POLK: variants seen among roughly 807,000 people sequenced by gnomAD.
POLK encodes polymerase (DNA directed) kappa.
Under a neutral mutation model 94.0 loss-of-function variants are expected in POLK, and 76 were observed. The ratio of observed to expected loss-of-function variants is 0.81; its 90% confidence interval spans 0.67 to 0.98. The LOEUF is 0.98. Ranked by LOEUF, POLK falls within the 50% of genes least tolerant of loss-of-function variation. The probability of loss-of-function intolerance (pLI) is 0.00; values close to 1 mark genes in which losing one functional copy is unlikely to be tolerated. For synonymous variants in POLK, 349 were observed against 325.4 expected (o/e 1.07, Z -0.78); for missense variants, 954 against 1,010.1 (o/e 0.94, Z 0.75).
intron 10 of POLK, among the ~76,000 whole-genome samples, chr5:75,589,481 C>G (rs939238469): frequency 6.6e-6 from 1 of 151,164 alleles, no homozygotes; most frequent in Admixed American, 6.6e-5. Context: ...GAGGGAGTCT[C>G]GCTCTGTCGC....
At chr5:75,609,968 ATAAAT>A in the POLK span, 7 of 152,254 alleles carry the variant, frequency 4.6e-5, no homozygotes, top group Non-Finnish European at 1.0e-4. Flanking sequence ...AGAAGAATAA[ATAAAT>A]GAAAACCTGA....
exon 13 of POLK, chr5:75,596,617 C>T (rs1459093312): frequency 1.9e-6 from 3 of 1,614,024 alleles, no homozygotes; most frequent in Non-Finnish European, 2.5e-6. Context: ...CTTGAATAAA[C>T]ATGTAGATGA....
rs981600979 is a variant in POLK at position 75,542,579 on chromosome 5, G to GTA, written c.-13-4423_-13-4422dup. ...ACAAAAGTTTGCCTTATATGTGTGGGTATATATATGTGTGTGTGTGTATAT... is the reference window on the plus strand; with the variant it reads ...ACAAAAGTTTGCCTTATATGTGTGGGTATATATATATGTGTGTGTGTGTATAT... On this transcript the variant is annotated intron_variant, in intron 1 of 14. Transcript: ENST00000241436. Among the ~76,000 whole-genome samples, 8 of 150,000 alleles carry GTA rather than the reference G, an allele frequency of 5.3e-5. No individual in the cohort carries two copies. In the East Asian group the frequency reaches 5.9e-4, roughly 11 times the overall value.
chr5:75,545,311 ATTT>A (rs1381500549), intron 1 of POLK, among the ~76,000 whole-genome samples: 5 of 152,246 alleles, frequency 3.3e-5, no homozygotes, highest in Non-Finnish European at 5.9e-5. Flanking sequence ...ATCGTAATTT[ATTT>A]TAGATTCATG....
intron 12 of POLK, among the ~76,000 whole-genome samples, chr5:75,595,947 C>G (rs1773059115): frequency 6.6e-6 from 1 of 152,124 alleles, no homozygotes; most frequent in African/African-American, 2.4e-5. Context: ...ATAGTTGACT[C>G]CAGTTAGTTA....
exon 13 of POLK, chr5:75,596,778 A>T (rs1561415788): frequency 1.2e-6 from 2 of 1,612,344 alleles, no homozygotes; most frequent in Admixed American, 1.7e-5. Context: ...TTAAAGAAAT[A>T]TCTTCAGTAG....
chr5:75,545,457 A>G (rs1252951646), intron 1 of POLK, among the ~76,000 whole-genome samples: 3 of 152,220 alleles, frequency 2.0e-5, no homozygotes, highest in African/African-American at 7.2e-5. Flanking sequence ...ACTTACTAAC[A>G]GTTATGATGG....
chr5:75,584,559 T>G (rs1772363560), intron 8 of POLK, among the ~76,000 whole-genome samples: 1 of 151,812 alleles, frequency 6.6e-6, no homozygotes, highest in African/African-American at 2.4e-5. Flanking sequence ...TCCCAGCTGC[T>G]CAGGAGGCTA....
chr5:75,517,717 G>T (rs556154310), intron 1 of POLK, among the ~76,000 whole-genome samples: 23 of 152,172 alleles, frequency 1.5e-4, no homozygotes, highest in Non-Finnish European at 2.8e-4. Flanking sequence ...TCTTGTTCCA[G>T]ATCTTAGAGG....
At chr5:75,511,324 G>GT, upstream of POLK, 1 of 1,548,048 alleles carries the variant, frequency 6.5e-7, no homozygotes, top group Non-Finnish European at 8.7e-7. Flanking sequence ...GCCCGCTCCG[G>GT]TGTGGGGGGG....
chr5:75,597,579 A>C (rs1773159309), intron 13 of POLK, 168 bp from the exon 14 acceptor site: 2 of 439,248 alleles, frequency 4.6e-6, no homozygotes, highest in East Asian at 7.0e-5. Context: ...TAATGCTAAT[A>C]AAATTAGTAA....
downstream of POLK, among the ~76,000 whole-genome samples, chr5:75,602,009 G>T (rs1437399718): frequency 6.6e-6 from 1 of 152,122 alleles, no homozygotes; most frequent in Non-Finnish European, 1.5e-5. Flanking sequence ...TGTTATATTA[G>T]GCTTTGTTAT....
intron 2 of POLK, among the ~76,000 whole-genome samples, chr5:75,551,455 T>G (rs1770328287): frequency 6.6e-6 from 1 of 151,910 alleles, no homozygotes; most frequent in Admixed American, 6.6e-5. Flanking sequence ...GTAAAATATT[T>G]GTAAAACACA....
intron 1 of POLK, among the ~76,000 whole-genome samples, chr5:75,542,993 G>C (rs1488619121): frequency 6.7e-6 from 1 of 148,578 alleles, no homozygotes; most frequent in Non-Finnish European, 1.5e-5. Flanking sequence ...TTACAGGTGT[G>C]AGCCACCGCG....
intron 3 of POLK, among the ~76,000 whole-genome samples, chr5:75,556,061 T>C (rs750073359): frequency 1.7e-4 from 26 of 152,202 alleles, no homozygotes; most frequent in Non-Finnish European, 3.2e-4. Context: ...AAAATAAAAA[T>C]ATGTTTAGCT....
At chr5:75,609,172 A>C in the POLK span, 3 of 152,144 alleles carry the variant, frequency 2.0e-5, no homozygotes, top group Non-Finnish European at 2.9e-5. Context: ...ATTTTTTTAA[A>C]AGTAAATTTC....
intron 1 of POLK, among the ~76,000 whole-genome samples, chr5:75,532,176 G>C (rs1463554975): frequency 1.3e-5 from 2 of 152,168 alleles, no homozygotes; most frequent in Non-Finnish European, 2.9e-5. Context: ...ATGGTGTACA[G>C]ATTGTCACCC....
intron 3 of POLK, among the ~76,000 whole-genome samples, chr5:75,557,876 T>G (rs1770719484): frequency 6.6e-6 from 1 of 152,118 alleles, no homozygotes; most frequent in Non-Finnish European, 1.5e-5. Flanking sequence ...TGCATCTTCC[T>G]CTTCCTGGGT....
chr5:75,557,279 GTTC>G (rs1488613712), intron 3 of POLK, among the ~76,000 whole-genome samples: 1 of 152,000 alleles, frequency 6.6e-6, no homozygotes, highest in Non-Finnish European at 1.5e-5. Context: ...CTTCAGTTTT[GTTC>G]TTCTTCTACA....
Sources: allele counts gnomAD v4.1 joint callset (sites outside exome capture counted in the v4.1 genomes callset), GRCh38; gene constraint gnomAD v4.1.1; transcripts MANE v1.5; gene names NCBI Gene and HGNC (gene_info 2026-07-23, HGNC 2026-07-21).